The following KLC1 variants were observed in gnomAD, a reference collection of about 807,000 sequenced individuals.
KLC1 encodes the protein kinesin light chain 1, also known as kinesin 2 60/70kDa.
A neutral mutation model predicts 84.2 loss-of-function variants in KLC1; 30 were observed. The ratio of observed to expected loss-of-function variants is 0.36; its 90% CI spans 0.27 to 0.48. The LOEUF is 0.48. Among genes scored for constraint, KLC1 ranks in the 20% least tolerant of loss-of-function variants. The pLI is 0.99. For synonymous variants in KLC1, 289 were observed against 293.3 expected, an observed-to-expected ratio of 0.99 and a Z score of 0.15; for missense variants, 499 against 805.4, an observed-to-expected ratio of 0.62 and a Z score of 4.60.
intron 9 of KLC1, among the ~76,000 whole-genome samples, chr14:103,675,295 A>G (rs145063285): frequency 6.6e-6 from 1 of 152,336 alleles, no homozygotes; most frequent in African/African-American, 2.4e-5. Flanking sequence ...ACTGCACTCC[A>G]GCCTGGGCAA....
intron 3 of KLC1, among the ~76,000 whole-genome samples, chr14:103,659,725 G>T (rs568136617): frequency 6.6e-6 from 1 of 152,068 alleles, no homozygotes; most frequent in Non-Finnish European, 1.5e-5. Context: ...AGTTTTTTGC[G>T]TAGCACCAGC....
At chr14:103,677,023 G>C (rs1254042933) in intron 11 of KLC1, among the ~76,000 whole-genome samples, 1 of 152,214 alleles carries the variant, frequency 6.6e-6, no homozygotes, top group Non-Finnish European at 1.5e-5. Context: ...GGCAGCACGT[G>C]AGCAGCAACA....
At chr14:103,654,219 T>C (rs2078679601) in intron 1 of KLC1, among the ~76,000 whole-genome samples, 1 of 152,220 alleles carries the variant, frequency 6.6e-6, no homozygotes, top group Non-Finnish European at 1.5e-5. Flanking sequence ...TGCATTTCAT[T>C]AGGAAGAGAA....
intron 14 of KLC1, among the ~76,000 whole-genome samples, chr14:103,690,748 A>G (rs1200609874): frequency 1.3e-5 from 2 of 152,256 alleles, no homozygotes. Flanking sequence ...GTGGTGGTGA[A>G]CAACGATAGT....
chr14:103,690,419 G>C (rs1362244242), intron 14 of KLC1, among the ~76,000 whole-genome samples: 1 of 152,184 alleles, frequency 6.6e-6, no homozygotes, highest in African/African-American at 2.4e-5. Context: ...TTCAGGTCTT[G>C]CTTTTGGTGC....
chr14:103,685,977 A>G lies in KLC1; in HGVS notation c.1651-1104A>G, dbSNP rs570108146. The G allele has an allele frequency of 1.2e-4, 136 of 1,116,412 alleles. No individual in the cohort carries two copies. In the South Asian group the frequency reaches 2.3e-3, roughly 19 times the overall value. The allele number at this position is 1,116,412 out of a possible 1,614,324, so 69.2% of individuals were successfully genotyped here. On this transcript the variant is annotated intron_variant, in intron 13 of 16. Transcript: ENST00000334553. The stretch of plus-strand genomic sequence containing the variant: ...AAGTGTCACACAAGGTGTTGTTGCA[A>G]TGGCATGACGGTGACCTGTTGACGT...
At chr14:103,685,431 A>C in intron 13 of KLC1, 1 of 1,203,510 alleles carries the variant, frequency 8.3e-7, no homozygotes, top group Non-Finnish European at 1.1e-6. Flanking sequence ...ACCAGTCTGG[A>C]TTCTGTGAAA....
intron 9 of KLC1, among the ~76,000 whole-genome samples, chr14:103,674,836 C>G (rs1005325720): frequency 6.6e-6 from 1 of 152,168 alleles, no homozygotes; most frequent in Non-Finnish European, 1.5e-5. Flanking sequence ...GAGCAGCTGG[C>G]ATTTTAGAAA....
intron 15 of KLC1, chr14:103,699,415 C>T (rs79874791): frequency 1.7e-5 from 28 of 1,612,520 alleles, no homozygotes; most frequent in African/African-American, 4.0e-5. Context: ...GCTCACGCAG[C>T]GTGGCCCCCA....
intron 7 of KLC1, among the ~76,000 whole-genome samples, chr14:103,670,893 G>T (rs896561012): frequency 6.6e-6 from 1 of 151,744 alleles, no homozygotes; most frequent in African/African-American, 2.4e-5. Flanking sequence ...AGACCAGCCT[G>T]GGTAACATAG....
At position 103,693,936 on chromosome 14, in the gene KLC1, T is replaced by G. The variant is rs2082268928; in HGVS notation, c.1848+1511T>G. ...TCCTGCTCACGGATGCTGTTGCATT[T>G]CCTGCCTGCCACCTTTTTGCCATGA... On this transcript the variant is annotated intron_variant, in intron 15 of 16. Coordinates refer to ENST00000334553, the MANE Select transcript of KLC1 (RefSeq NM_001394837.1). The surrounding 1 kb of genome is among the most constrained non-coding windows in gnomAD (Gnocchi z 5.1). 1.6e-6 allele frequency: 2 copies of G among 1,228,972 alleles called. No individual in the cohort carries two copies. The highest frequency in any genetic ancestry group is 1.0e-6 in the Non-Finnish European group (1 of 981,698). The allele number at this position is 1,228,972 out of a possible 1,614,324, so 76.1% of individuals were successfully genotyped here.
chr14:103,662,638 A>G (rs2079392467), intron 4 of KLC1, 64 bp from the exon 5 acceptor site: 2 of 1,294,830 alleles, frequency 1.5e-6, no homozygotes, highest in African/African-American at 3.0e-5. Context: ...ATAATTTTAA[A>G]GAAACTGACT....
At chr14:103,683,244 T>A (rs1315370288) in intron 13 of KLC1, 1 of 152,234 alleles carries the variant, frequency 6.6e-6, no homozygotes, top group East Asian at 1.9e-4. Flanking sequence ...GATCGGAGTC[T>A]CGACCTGGTG....
At chr14:103,652,756 G>T (rs2078555349) in intron 1 of KLC1, among the ~76,000 whole-genome samples, 1 of 152,198 alleles carries the variant, frequency 6.6e-6, no homozygotes, top group Non-Finnish European at 1.5e-5. Context: ...CTCCCAAAGT[G>T]CTGGGATTAC....
chr14:103,690,953 C>T (rs2082072517), intron 14 of KLC1, among the ~76,000 whole-genome samples: 1 of 152,050 alleles, frequency 6.6e-6, no homozygotes, highest in Non-Finnish European at 1.5e-5. Context: ...ATTTTACTAA[C>T]AATAAAGTTG....
chr14:103,662,549 C>T (rs908013010), intron 4 of KLC1, among the ~76,000 whole-genome samples, 153 bp from the exon 5 acceptor site: 4 of 152,068 alleles, frequency 2.6e-5, no homozygotes, highest in Admixed American at 2.6e-4. Context: ...TACTCTTACC[C>T]TGCCTGCCCA....
intron 1 of KLC1, among the ~76,000 whole-genome samples, chr14:103,649,892 TCACCGTGTTAGC>T (rs1382761913): frequency 6.6e-6 from 1 of 152,110 alleles, no homozygotes; most frequent in African/African-American, 2.4e-5. Flanking sequence ...AGACGGGGTT[TCACCGTGTTAGC>T]CAGGGTGGTC....
chr14:103,695,863 G>A, intron 15 of KLC1: 1 of 985,378 alleles, frequency 1.0e-6, no homozygotes, highest in Non-Finnish European at 1.2e-6. Context: ...TCAGAGGGAG[G>A]CGGCAAGGGA....
intron 15 of KLC1, chr14:103,695,115 A>G (rs969304575): frequency 1.0e-6 from 1 of 984,622 alleles, no homozygotes; most frequent in African/African-American, 1.7e-5. Flanking sequence ...AAAATTTCAT[A>G]GGTTCTGTAA....
Sources: allele counts gnomAD v4.1 joint callset (sites outside exome capture counted in the v4.1 genomes callset), GRCh38; gene constraint gnomAD v4.1.1; non-coding constraint Gnocchi (gnomAD v3.1); transcripts MANE v1.5; gene names NCBI Gene and HGNC (gene_info 2026-07-23, HGNC 2026-07-21).